The following ZNF532 variants were observed in gnomAD, a reference collection of about 807,000 sequenced individuals.
ZNF532 encodes zinc finger protein 532.
ZNF532 carries 22 observed loss-of-function variants against 89.3 expected under a neutral mutation model. That is an observed-to-expected ratio of 0.25 (90% CI 0.18 to 0.35). The LOEUF (loss-of-function observed/expected upper bound fraction) is 0.35. Ranked by LOEUF, ZNF532 falls within the 10% of genes least tolerant of loss-of-function variation. ZNF532 has a pLI of 1.00. For synonymous variants in ZNF532, 606 were observed against 649.6 expected, an observed-to-expected ratio of 0.93 and a Z score of 1.02; for missense variants, 1,132 against 1,643.4, an observed-to-expected ratio of 0.69 and a Z score of 5.38.
At chr18:58,915,339 A>T (rs1034443084) in intron 2 of ZNF532, among the ~76,000 whole-genome samples, 1 of 152,114 alleles carries the variant, frequency 6.6e-6, no homozygotes, top group Non-Finnish European at 1.5e-5. Context: ...TAAAACTACC[A>T]TCAGTTCACT....
At chr18:58,914,573 G>T (rs1160155475) in intron 2 of ZNF532, among the ~76,000 whole-genome samples, 1 of 152,150 alleles carries the variant, frequency 6.6e-6, no homozygotes, top group Non-Finnish European at 1.5e-5. Context: ...CCGGCTACTC[G>T]GGAGGCTGAG....
chr18:58,942,341 CCCTCCCTCCCTTCCTT>C (rs1171283138), intron 5 of ZNF532, among the ~76,000 whole-genome samples: 5 of 71,628 alleles, frequency 7.0e-5, no homozygotes, highest in African/African-American at 1.3e-4. Flanking sequence ...CTCCCTCCCT[CCCTCCCTCCCTTCCTT>C]CCTTCCTTCC....
chr18:58,869,762 G>GC (rs2056811485), intron 2 of ZNF532, among the ~76,000 whole-genome samples: 2 of 111,518 alleles, frequency 1.8e-5, no homozygotes, highest in Non-Finnish European at 1.8e-5. Context: ...TGGAAGATCT[G>GC]TTTTTTTTTT....
At chr18:58,898,954 G>A (rs913286159) in intron 2 of ZNF532, among the ~76,000 whole-genome samples, 1 of 152,252 alleles carries the variant, frequency 6.6e-6, no homozygotes, top group Admixed American at 6.5e-5. Context: ...ATGAGACTGA[G>A]AAGCATAGTC....
chr18:58,894,812 C>T (rs1326675249), intron 2 of ZNF532, among the ~76,000 whole-genome samples: 1 of 152,158 alleles, frequency 6.6e-6, no homozygotes, highest in Non-Finnish European at 1.5e-5. Flanking sequence ...TTGTTGTCTA[C>T]TTGGAATATT....
intron 7 of ZNF532, among the ~76,000 whole-genome samples, chr18:58,975,678 C>T (rs542352359): frequency 1.8e-4 from 28 of 152,256 alleles, no homozygotes; most frequent in African/African-American, 7.2e-5. Flanking sequence ...AAAAATGAGA[C>T]GGGAGGAAGA....
chr18:58,910,633 A>G (rs986151075), intron 2 of ZNF532, among the ~76,000 whole-genome samples: 17 of 151,696 alleles, frequency 1.1e-4, no homozygotes, highest in African/African-American at 4.1e-4. Flanking sequence ...AGCCCAGCTA[A>G]TTTTTGTATT....
At chr18:58,888,787 A>ATTATATATATATAAATTAT (rs1491511822) in intron 2 of ZNF532, among the ~76,000 whole-genome samples, 3 of 8,158 alleles carry the variant, frequency 3.7e-4, no homozygotes, top group African/African-American at 1.1e-3. Flanking sequence ...ATATATATAA[A>ATTATATATATATAAATTAT]ATATATATAA....
intron 2 of ZNF532, among the ~76,000 whole-genome samples, chr18:58,877,062 GAAA>G (rs917058842): frequency 6.9e-6 from 1 of 144,458 alleles, no homozygotes; most frequent in Non-Finnish European, 1.5e-5. Flanking sequence ...CTTGTCTCGA[GAAA>G]AAAAAAAAGC....
intron 5 of ZNF532, among the ~76,000 whole-genome samples, chr18:58,943,012 C>G (rs1026308897): frequency 7.9e-5 from 12 of 152,300 alleles, no homozygotes; most frequent in African/African-American, 2.6e-4. Flanking sequence ...TGCATTTACT[C>G]TGTGCTGGGT....
chr18:58,899,445 C>G (rs950267194), intron 2 of ZNF532, among the ~76,000 whole-genome samples: 8 of 152,040 alleles, frequency 5.3e-5, no homozygotes, highest in African/African-American at 1.9e-4. Flanking sequence ...TGCATTTCCT[C>G]TTTCTGAAAC....
Position 58,918,205 on chromosome 18 carries a change from A to AGG in ZNF532, c.-17-63_-17-62dup. On this transcript the variant is annotated intron_variant, in intron 2 of 9. Coordinates refer to ENST00000591808, the MANE Select transcript of ZNF532 (RefSeq NM_001375912.1). ...ATCGTTATGTTAGTGTGAATTGTATAGGGGTTTTATCTCATCGTGAGGAAA... is the reference window on the plus strand; with the variant it reads ...ATCGTTATGTTAGTGTGAATTGTATAGGGGGGTTTTATCTCATCGTGAGGAAA... The AGG allele has an allele frequency of 2.9e-6, 4 of 1,395,860 alleles. No homozygotes were observed. In the South Asian group the frequency reaches 4.0e-5, roughly 14 times the overall value. 86.5% of individuals were successfully genotyped at this position (1,395,860 alleles called of 1,614,324 possible).
chr18:58,925,606 T>C (rs780000086), intron 3 of ZNF532, among the ~76,000 whole-genome samples: 100 of 152,222 alleles, frequency 6.6e-4, no homozygotes, highest in Non-Finnish European at 1.3e-3. Context: ...AGCAAAAGTT[T>C]GTAATTTTCG....
chr18:58,907,417 C>A (rs1469084077), intron 2 of ZNF532, among the ~76,000 whole-genome samples: 1 of 152,092 alleles, frequency 6.6e-6, no homozygotes, highest in East Asian at 1.9e-4. Flanking sequence ...AACTCCTGAC[C>A]TCGTGATCCC....
intron 2 of ZNF532, chr18:58,896,497 G>A (rs1424063834): frequency 6.6e-6 from 1 of 152,228 alleles, no homozygotes; most frequent in Non-Finnish European, 1.5e-5. Context: ...ACCCATGTCT[G>A]GGCTGGGAAG....
At chr18:58,979,204 C>T in intron 8 of ZNF532, 37 bp downstream of exon 8, 2 of 1,551,690 alleles carry the variant, frequency 1.3e-6, no homozygotes, top group Non-Finnish European at 1.8e-6. Flanking sequence ...AGTGAGAGGA[C>T]TCAGGAGGAA....
In ZNF532 at chr18:58,865,003, G is replaced by C. The variant is rs550578505; in HGVS notation, c.-510G>C. 1 of 152,354 alleles carries C rather than the reference G, an allele frequency of 6.6e-6. No individual in the cohort carries two copies. The highest frequency in any genetic ancestry group is 2.1e-4 in the South Asian group (1 of 4,822). The allele number at this position is 152,354 out of a possible 1,614,324, so 9.4% of individuals were successfully genotyped here. On this transcript the variant is annotated 5_prime_UTR_variant, in exon 1 of 10. Transcript: ENST00000591808. Reference sequence around the variant, plus strand: ...ACAGCACTGGTACGTGACTAATGGAGCCCTAAAAGATTCTGGGTAGAGAAG... The same window carrying C: ...ACAGCACTGGTACGTGACTAATGGACCCCTAAAAGATTCTGGGTAGAGAAG...
intron 2 of ZNF532, among the ~76,000 whole-genome samples, chr18:58,880,290 T>A (rs2057780853): frequency 6.6e-6 from 1 of 152,188 alleles, no homozygotes; most frequent in South Asian, 2.1e-4. Context: ...GGAAACTCTG[T>A]TTATTTGGAG....
Position 58,953,651 on chromosome 18 carries a change from A to T in ZNF532, c.3002A>T (p.Glu1001Val), listed in dbSNP as rs2064445719. Residue 1001 changes from glutamate to valine, a missense_variant, in exon 7 of 10, where the codon GAG becomes GTG. By Grantham distance (121) the Glu-to-Val change is moderately radical. This residue lies in a region of ZNF532 where 415 missense variants were observed against 604.8 expected (regional missense o/e 0.69). Transcript: ENST00000591808. ...KEDTKSMNGK[E>V]KLEKKSPSPV... ...GACACCAAATCCATGAATGGGAAAG[A>T]GAAATTGGAAAAGAAATCTCCATCT... 1.1e-5 allele frequency: 18 copies of T among 1,613,914 alleles called. No homozygotes were observed. The highest frequency in any genetic ancestry group is 1.7e-5 in the Admixed American group (1 of 60,006).
Sources: gnomAD v4.1 joint callset for allele counts (sites outside exome capture counted in the v4.1 genomes callset) on GRCh38, gnomAD v4.1.1 for gene constraint, gnomAD v4.1.1 regional missense constraint, MANE v1.5 for transcripts, NCBI Gene and HGNC (gene_info 2026-07-23, HGNC 2026-07-21) for gene names.